DPYD: variants seen among roughly 807,000 people sequenced by gnomAD.
DPYD encodes the protein dihydropyrimidine dehydrogenase [NADP(+)].
Under a neutral mutation model 116.2 loss-of-function variants are expected in DPYD, and 109 were observed. The ratio of observed to expected loss-of-function variants is 0.94; its 90% CI spans 0.80 to 1.10. DPYD has a LOEUF of 1.10. DPYD is among the 50% of genes least tolerant of loss of function. The pLI is 0.00. For missense variants in DPYD, 1,302 were observed against 1,254.5 expected (o/e 1.04, Z -0.57); for synonymous variants, 440 against 432.0 (o/e 1.02, Z -0.23).
In DPYD at chr1:97,569,623, C is replaced by G. The variant is rs72732323; in HGVS notation, c.1339+4137G>C. The stretch of plus-strand genomic sequence containing the variant: ...ACAACAAAATCCCAAGTTAATGTGA[C>G]GTGATATGGAGTCGTACATTCTTAG... On this transcript the variant is annotated intron_variant, in intron 11 of 22. Transcript: ENST00000370192. 4.6e-5 allele frequency among the ~76,000 whole-genome samples: 7 copies of G among 151,706 alleles called. No homozygotes were observed. The South Asian group carries it at 1.5e-3, about 32-fold the overall frequency.
At chr1:97,537,135 A>T (rs1274613312) in intron 12 of DPYD, among the ~76,000 whole-genome samples, 1 of 152,202 alleles carries the variant, frequency 6.6e-6, no homozygotes, top group African/African-American at 2.4e-5. Context: ...CAACACAGAG[A>T]AGTTCTTGTA....
In DPYD at chr1:97,305,360, G is replaced by GT; in HGVS notation, c.2197dup (p.Thr733AsnfsTer15). The stretch of plus-strand genomic sequence containing the variant: ...CAGACCTGAGACAGTGTTGGTGGCT[G>GT]TAACGCCATTGGCACCACCTATGCA... On this transcript the variant is annotated frameshift_variant, in exon 18 of 23. Transcript: ENST00000370192. LOFTEE classifies it high-confidence loss of function. 6.2e-7 allele frequency: 1 copy of GT among 1,612,402 alleles called. No individual in the cohort carries two copies.
intron 2 of DPYD, among the ~76,000 whole-genome samples, chr1:97,882,305 CA>C (rs199880164): frequency 6.0e-5 from 9 of 150,968 alleles, no homozygotes; most frequent in Non-Finnish European, 4.4e-5. Flanking sequence ...TTTTTTCATT[CA>C]AAAAAAATTG....
chr1:97,190,359 C>A (rs918244439), intron 20 of DPYD, among the ~76,000 whole-genome samples: 4 of 152,072 alleles, frequency 2.6e-5, no homozygotes, highest in Admixed American at 2.6e-4. Flanking sequence ...TTTGGCAATG[C>A]AGATTTTTGG....
intron 15 of DPYD, among the ~76,000 whole-genome samples, chr1:97,376,355 T>A (rs948738053): frequency 6.6e-5 from 10 of 152,076 alleles, no homozygotes; most frequent in African/African-American, 2.4e-4. Flanking sequence ...ATTAAAATAT[T>A]TTAAAATCAC....
intron 20 of DPYD, among the ~76,000 whole-genome samples, chr1:97,112,936 A>G (rs984858978): frequency 6.6e-6 from 1 of 152,150 alleles, no homozygotes; most frequent in African/African-American, 2.4e-5. Context: ...TTTTCTTTCA[A>G]TAAATGTAGG....
intron 13 of DPYD, among the ~76,000 whole-genome samples, chr1:97,462,893 T>G (rs1016362516): frequency 2.0e-5 from 3 of 152,164 alleles, no homozygotes; most frequent in Non-Finnish European, 2.9e-5. Flanking sequence ...ATTCTCTCTG[T>G]AGCCTGCTAC....
chr1:97,826,807 T>C (rs1165464137), intron 3 of DPYD, among the ~76,000 whole-genome samples: 8 of 152,122 alleles, frequency 5.3e-5, no homozygotes, highest in Non-Finnish European at 1.2e-4. Context: ...AAATTCTCTA[T>C]TGTGTACTCA....
chr1:97,790,291 A>T (rs1215362056), intron 3 of DPYD, among the ~76,000 whole-genome samples: 1 of 152,216 alleles, frequency 6.6e-6, no homozygotes, highest in African/African-American at 2.4e-5. Context: ...TTTTACACAG[A>T]AAAGTTGCTG....
chr1:97,920,095 A>C (rs1270999694), intron 1 of DPYD, among the ~76,000 whole-genome samples: 1 of 152,238 alleles, frequency 6.6e-6, no homozygotes, highest in Non-Finnish European at 1.5e-5. Context: ...GTCTTAGCTC[A>C]AAAGTGCTGA....
In DPYD at chr1:97,573,922, G is replaced by C. The variant is rs2102184394; in HGVS notation, c.1177C>G (p.Pro393Ala). The change falls in exon 11 of 23, where the codon CCA becomes GCA. Residue 393 changes from proline (P) to alanine (A), a missense_variant. Physicochemically the swap from Pro to Ala is conservative, Grantham distance 27. Coordinates refer to ENST00000370192, the MANE Select transcript of DPYD (RefSeq NM_000110.4). Reference protein sequence around the residue: ...EKCEFLPFLSPRKVIVKGGRI... With the variant: ...EKCEFLPFLSARKVIVKGGRI... ...CCACCTTTTACTATAACCTTCCGTG[G>C]GGACAGGAATGGCAGAAATTCACAC... The C allele has an allele frequency of 6.2e-7, 1 of 1,613,638 alleles. No individual in the cohort carries two copies. Among genetic ancestry groups the C allele is most frequent in the Non-Finnish European group, 8.5e-7 (1 of 1,179,662 alleles).
chr1:97,268,700 A>G (rs1161748810), intron 18 of DPYD, among the ~76,000 whole-genome samples: 2 of 152,128 alleles, frequency 1.3e-5, no homozygotes, highest in African/African-American at 4.8e-5. Context: ...AAGATAGTGC[A>G]GGGCACCTAA....
At chr1:97,646,720 G>A (rs546512553) in intron 8 of DPYD, among the ~76,000 whole-genome samples, 7 of 151,992 alleles carry the variant, frequency 4.6e-5, no homozygotes, top group East Asian at 1.9e-4. Flanking sequence ...TACTCATCAT[G>A]TAATGAGCTA....
intron 2 of DPYD, chr1:97,855,958 T>TG (rs751166861): frequency 6.6e-6 from 1 of 152,252 alleles, no homozygotes; most frequent in Admixed American, 6.5e-5. Flanking sequence ...ACTGGGCTAC[T>TG]GTTCTTGGAG....
chr1:97,245,605 A>C (rs1662667629), intron 18 of DPYD, among the ~76,000 whole-genome samples: 1 of 152,130 alleles, frequency 6.6e-6, no homozygotes, highest in Non-Finnish European at 1.5e-5. Flanking sequence ...TGATTATTTG[A>C]GTAGGAGAAG....
intron 13 of DPYD, among the ~76,000 whole-genome samples, chr1:97,514,768 T>C (rs1261286892): frequency 2.0e-5 from 3 of 151,936 alleles, no homozygotes; most frequent in East Asian, 3.9e-4. Flanking sequence ...CACTTACACA[T>C]TGCATCTTGT....
chr1:97,510,719 G>A (rs931138802), intron 13 of DPYD, among the ~76,000 whole-genome samples: 5 of 151,890 alleles, frequency 3.3e-5, no homozygotes, highest in Non-Finnish European at 1.5e-5. Context: ...ATAAGTGGAT[G>A]GTATTTACCT....
intron 3 of DPYD, among the ~76,000 whole-genome samples, chr1:97,798,363 T>A (rs1363481680): frequency 6.7e-6 from 1 of 150,060 alleles, no homozygotes; most frequent in Non-Finnish European, 1.5e-5. Flanking sequence ...AATATAAACA[T>A]GGTTTCAAAG....
intron 17 of DPYD, among the ~76,000 whole-genome samples, chr1:97,305,679 T>G (rs573947292): frequency 1.3e-5 from 2 of 151,946 alleles, no homozygotes; most frequent in Non-Finnish European, 2.9e-5. Context: ...GGGTGCAATT[T>G]CCCTGGGATG....
Sources: allele counts gnomAD v4.1 joint callset (sites outside exome capture counted in the v4.1 genomes callset), GRCh38; gene constraint gnomAD v4.1.1; transcripts MANE v1.5; gene names NCBI Gene and HGNC (gene_info 2026-07-23, HGNC 2026-07-21).